Variants in NHS observed in about 807,000 individuals in gnomAD.
The protein encoded by NHS is NHS actin remodeling regulator, also known as actin remodeling regulator NHS.
In NHS, 5 loss-of-function variants were observed where a neutral mutation model predicts 72.5. The observed-to-expected ratio is 0.07, with a 90% CI of 0.04 to 0.14. NHS has a LOEUF of 0.14. NHS is among the 10% of genes least tolerant of loss of function. The pLI is 1.00. For synonymous variants in NHS, 464 were observed against 547.7 expected (o/e 0.85, Z 2.13); for missense variants, 1,072 against 1,355.7 (o/e 0.79, Z 3.29).
chrX:17,729,081 A>G (rs2066470202), intron 8 of NHS, among the ~76,000 whole-genome samples: 1 of 111,748 alleles, frequency 8.9e-6, no homozygotes, highest in Non-Finnish European at 1.9e-5. Flanking sequence ...TCTGTGGTTA[A>G]GTGACTTGGA....
chrX:17,514,915 G>T (rs1444829254), intron 1 of NHS, among the ~76,000 whole-genome samples: 1 of 111,528 alleles, frequency 9.0e-6, no homozygotes, highest in Non-Finnish European at 1.9e-5. Flanking sequence ...TGTGTGGGGG[G>T]GCAGACTGGC....
At chrX:17,592,033 T>C (rs779477800) in intron 1 of NHS, among the ~76,000 whole-genome samples, 3 of 111,718 alleles carry the variant, frequency 2.7e-5, no homozygotes, top group South Asian at 7.5e-4. Flanking sequence ...TGTGTGTGTG[T>C]GTGTACATGT....
At chrX:17,540,165 G>A (rs1182609700) in intron 1 of NHS, among the ~76,000 whole-genome samples, 3 of 111,487 alleles carry the variant, frequency 2.7e-5, no homozygotes, top group African/African-American at 9.8e-5. Flanking sequence ...TGTACCATAG[G>A]GCAGATGTTC....
At chrX:17,409,390 T>A (rs1007820253) in intron 1 of NHS, among the ~76,000 whole-genome samples, 16 of 102,794 alleles carry the variant, frequency 1.6e-4, no homozygotes, top group East Asian at 3.1e-4. Context: ...TTTTTTTTTT[T>A]AAATTACTAT....
At chrX:17,442,555 C>G (rs1252184354) in intron 1 of NHS, among the ~76,000 whole-genome samples, 3 of 112,356 alleles carry the variant, frequency 2.7e-5, no homozygotes, top group Non-Finnish European at 5.6e-5. Context: ...GAGGAGCATT[C>G]AACATTCACG....
intron 1 of NHS, among the ~76,000 whole-genome samples, chrX:17,391,668 C>T (rs1251588240): frequency 3.6e-5 from 4 of 111,531 alleles, no homozygotes; most frequent in African/African-American, 1.3e-4. Context: ...TGACTTGGCT[C>T]GTCTAACTCA....
chrX:17,550,576 G>T (rs1355091614), intron 1 of NHS, among the ~76,000 whole-genome samples: 1 of 111,686 alleles, frequency 9.0e-6, no homozygotes, highest in Non-Finnish European at 1.9e-5. Flanking sequence ...TGCCCATGGG[G>T]CTCCTCTCTT....
intron 1 of NHS, among the ~76,000 whole-genome samples, chrX:17,493,906 CA>C (rs1287803076): frequency 9.1e-6 from 1 of 109,898 alleles, no homozygotes; most frequent in Non-Finnish European, 1.9e-5. Flanking sequence ...CAGGGCAGGG[CA>C]AAGGAATGCA....
intron 1 of NHS, among the ~76,000 whole-genome samples, chrX:17,443,758 G>A (rs1161012626): frequency 8.0e-5 from 9 of 111,932 alleles, no homozygotes; most frequent in East Asian, 2.8e-4. Context: ...ATTTTTATAC[G>A]TGTCGAAATC....
chrX:17,576,725 T>TC (rs2065514171), intron 1 of NHS, among the ~76,000 whole-genome samples: 1 of 111,464 alleles, frequency 9.0e-6, no homozygotes, highest in African/African-American at 3.3e-5. Context: ...CTGCACACTG[T>TC]CAATGGTGAG....
intron 1 of NHS, among the ~76,000 whole-genome samples, chrX:17,572,105 A>C (rs915251809): frequency 8.9e-6 from 1 of 111,831 alleles, no homozygotes; most frequent in African/African-American, 3.3e-5. Context: ...CAATTTTGGA[A>C]TAAGTGTGAT....
rs775199919 is a variant in NHS, at chrX:17,440,739, G to A, written c.565+64417G>A. Reference sequence around the variant, plus strand: ...CCTCAGTTCAGGAAGGGGCGAACTGGAAGGAGGTCAGAAATAAGCAACCCC... The same window carrying A: ...CCTCAGTTCAGGAAGGGGCGAACTGAAAGGAGGTCAGAAATAAGCAACCCC... On this transcript the variant is annotated intron_variant, in intron 1 of 8. Coordinates refer to ENST00000676302, the MANE Select transcript of NHS (RefSeq NM_001291867.2). Among the ~76,000 whole-genome samples the A allele has an allele frequency of 5.4e-5, 6 of 111,864 alleles. No homozygotes were observed. In the Admixed American group the frequency reaches 5.7e-4, roughly 11 times the overall value.
chrX:17,687,048 T>C (rs977367612), intron 1 of NHS: 2 of 112,772 alleles, frequency 1.8e-5, no homozygotes, highest in Non-Finnish European at 3.7e-5. Flanking sequence ...CTTGATCTCT[T>C]GGATGAGTTG....
chrX:17,695,864 C>A, intron 3 of NHS, among the ~76,000 whole-genome samples: 1 of 106,604 alleles, frequency 9.4e-6, no homozygotes, highest in South Asian at 4.5e-4. Context: ...CTAATTAAAG[C>A]CCATCTAAGA....
At chrX:17,567,430 C>T (rs1293258084) in intron 1 of NHS, among the ~76,000 whole-genome samples, 2 of 112,162 alleles carry the variant, frequency 1.8e-5, no homozygotes, top group Non-Finnish European at 3.8e-5. Context: ...GTCCCCCATG[C>T]AGACAAACAG....
intron 1 of NHS, among the ~76,000 whole-genome samples, chrX:17,506,373 T>C (rs1231721804): frequency 9.2e-6 from 1 of 108,850 alleles, no homozygotes; most frequent in Admixed American, 9.9e-5. Context: ...TACTAAAAAA[T>C]ACAAAAATTA....
intron 4 of NHS, among the ~76,000 whole-genome samples, chrX:17,720,322 G>C (rs1156568591): frequency 8.9e-6 from 1 of 111,753 alleles, no homozygotes; most frequent in Non-Finnish European, 1.9e-5. Context: ...GAAATCCTCT[G>C]AGTCAACAGG....
chrX:17,480,035 A>G (rs1465880113), intron 1 of NHS, among the ~76,000 whole-genome samples: 2 of 111,510 alleles, frequency 1.8e-5, no homozygotes, highest in East Asian at 2.8e-4. Context: ...TGCAATTGCT[A>G]CAAAGAGAAT....
chrX:17,493,362 C>T (rs1008010819), intron 1 of NHS, among the ~76,000 whole-genome samples: 2 of 112,283 alleles, frequency 1.8e-5, no homozygotes, highest in Non-Finnish European at 3.8e-5. Context: ...AGAGAATCCC[C>T]TCCCTGTCCT....
Sources: allele counts gnomAD v4.1 joint callset (sites outside exome capture counted in the v4.1 genomes callset), GRCh38; gene constraint gnomAD v4.1.1; transcripts MANE v1.5; gene names NCBI Gene and HGNC (gene_info 2026-07-23, HGNC 2026-07-21).